PPP2R2C: variants seen among roughly 807,000 people sequenced by gnomAD.
PPP2R2C encodes protein phosphatase 2 regulatory subunit Bgamma.
Under a neutral mutation model 45.3 loss-of-function variants are expected in PPP2R2C, and 10 were observed. The observed-to-expected ratio is 0.22, with a 90% CI of 0.14 to 0.37. The LOEUF (loss-of-function observed/expected upper bound fraction) is 0.37. PPP2R2C is among the 10% of genes least tolerant of loss of function. The probability of loss-of-function intolerance (pLI) is 1.00; values close to 1 mark genes in which losing one functional copy is unlikely to be tolerated. For missense variants in PPP2R2C, 308 were observed against 619.7 expected, an observed-to-expected ratio of 0.50 and a Z score of 5.34; for synonymous variants, 257 against 245.4, an observed-to-expected ratio of 1.05 and a Z score of -0.44.
At chr4:6,325,862 G>A (rs112631633) in intron 8 of PPP2R2C, among the ~76,000 whole-genome samples, 30 of 152,326 alleles carry the variant, frequency 2.0e-4, no homozygotes, top group African/African-American at 4.6e-4. Flanking sequence ...CCAGTGCTCC[G>A]CTCCTCTTTC....
At chr4:6,355,777 G>A (rs1713114978) in intron 5 of PPP2R2C, among the ~76,000 whole-genome samples, 2 of 151,728 alleles carry the variant, frequency 1.3e-5, no homozygotes, top group African/African-American at 4.8e-5. Context: ...GATCACTTGA[G>A]GTCAGGAGTT....
chr4:6,408,517 G>T (rs1246931858), intron 1 of PPP2R2C, among the ~76,000 whole-genome samples: 1 of 152,202 alleles, frequency 6.6e-6, no homozygotes, highest in East Asian at 1.9e-4. Context: ...ATCGTGAGCA[G>T]TAAGGTTTCA....
rs1713754942 is a variant in PPP2R2C at position 6,361,760 on chromosome 4, G to A, written c.625+10763C>T. 2.0e-5 allele frequency among the ~76,000 whole-genome samples: 3 copies of A among 152,310 alleles called. No homozygotes were observed. The South Asian group carries it at 6.2e-4, about 32-fold the overall frequency. On this transcript the variant is annotated intron_variant, in intron 5 of 8. Transcript: ENST00000382599. ...GAGGGGGAATCCAAGGTTGGACAGAGCTGGGATGTGCACCCAGGCAGCTGT... is the reference window on the plus strand; with the variant it reads ...GAGGGGGAATCCAAGGTTGGACAGAACTGGGATGTGCACCCAGGCAGCTGT...
At chr4:6,504,945 C>A (rs1353404957) in intron 2 of PPP2R2C, among the ~76,000 whole-genome samples, 2 of 152,004 alleles carry the variant, frequency 1.3e-5, no homozygotes, top group Non-Finnish European at 2.9e-5. Flanking sequence ...CCAAGAAGTT[C>A]AGCGAATCTC....
intron 1 of PPP2R2C, among the ~76,000 whole-genome samples, chr4:6,444,600 C>G (rs1320655670): frequency 6.6e-6 from 1 of 152,244 alleles, no homozygotes; most frequent in East Asian, 1.9e-4. Flanking sequence ...TACCCCACCA[C>G]TTCAAAGACA....
intron 5 of PPP2R2C, among the ~76,000 whole-genome samples, chr4:6,362,421 C>T (rs934079742): frequency 1.3e-5 from 2 of 152,162 alleles, no homozygotes; most frequent in Non-Finnish European, 2.9e-5. Flanking sequence ...GCCAGGGTCG[C>T]ACACCTCTAC....
intron 1 of PPP2R2C, among the ~76,000 whole-genome samples, chr4:6,410,329 G>A (rs1267535957): frequency 1.3e-5 from 2 of 152,110 alleles, no homozygotes; most frequent in African/African-American, 2.4e-5. Flanking sequence ...CCTCTGTTCC[G>A]GGTATGCCCT....
chr4:6,421,438 G>A (rs1004532728), intron 1 of PPP2R2C, among the ~76,000 whole-genome samples: 4 of 152,068 alleles, frequency 2.6e-5, no homozygotes, highest in African/African-American at 7.2e-5. Context: ...TTGCAATTCC[G>A]AGCACCCCAA....
At chr4:6,380,744 C>A (rs1715715048) in intron 2 of PPP2R2C, among the ~76,000 whole-genome samples, 1 of 152,124 alleles carries the variant, frequency 6.6e-6, no homozygotes, top group Non-Finnish European at 1.5e-5. Context: ...CCGCCCGCCA[C>A]TCCCACCTCG....
chr4:6,323,508 C>T lies in PPP2R2C; in HGVS notation c.1138G>A (p.Glu380Lys), dbSNP rs1731690747. 6 of 1,606,618 alleles carry T rather than the reference C, an allele frequency of 3.7e-6. No individual in the cohort carries two copies. Among genetic ancestry groups the T allele is most frequent in the Non-Finnish European group, 5.1e-6 (6 of 1,173,844 alleles). Residue 380 changes from glutamate to lysine, a missense_variant, in exon 9 of 9, where the codon GAA (glutamate) becomes AAA (lysine). Glu to Lys is a moderately conservative substitution (Grantham distance 56). Coordinates refer to ENST00000382599, the MANE Select transcript of PPP2R2C (RefSeq NM_020416.4). ...KRDVTLEASR[E>K]SSKPRAVLKP... is the part of the protein sequence containing the mutation. ...AGCACAGCCCGGGGCTTGCTGCTTT[C>T]CCTCGAGGCCTCCAGGGTCACGTCC...
chr4:6,512,299 G>A (rs1422316607), intron 2 of PPP2R2C, among the ~76,000 whole-genome samples: 6 of 123,208 alleles, frequency 4.9e-5, no homozygotes, highest in Non-Finnish European at 8.9e-5. Context: ...GGTGGCGGTG[G>A]TGGTGGTGGT....
intron 6 of PPP2R2C, among the ~76,000 whole-genome samples, chr4:6,342,943 C>T (rs555863883): frequency 4.7e-4 from 71 of 152,342 alleles, no homozygotes; most frequent in African/African-American, 1.4e-3. Flanking sequence ...GCTCTTCATT[C>T]GCGGTCTGAT....
chr4:6,532,901 G>A (rs1036845616), intron 2 of PPP2R2C, among the ~76,000 whole-genome samples: 3 of 152,204 alleles, frequency 2.0e-5, no homozygotes, highest in Admixed American at 6.5e-5. Context: ...GCTGGGAGAC[G>A]CATCCCCAGC....
At chr4:6,387,815 A>T (rs1380818407) in intron 1 of PPP2R2C, among the ~76,000 whole-genome samples, 1 of 151,680 alleles carries the variant, frequency 6.6e-6, no homozygotes, top group Non-Finnish European at 1.5e-5. Context: ...AAGAAAAAAA[A>T]AAAAGAGTGA....
intron 1 of PPP2R2C, among the ~76,000 whole-genome samples, chr4:6,398,530 G>A (rs886685673): frequency 2.6e-5 from 4 of 152,218 alleles, no homozygotes; most frequent in African/African-American, 7.2e-5. Flanking sequence ...ATCACAAGAC[G>A]CAGATGCAAA....
intron 1 of PPP2R2C, among the ~76,000 whole-genome samples, chr4:6,463,589 C>T (rs1386952158): frequency 1.3e-5 from 2 of 152,256 alleles, no homozygotes; most frequent in Non-Finnish European, 2.9e-5. Flanking sequence ...CCAGGTGTGT[C>T]CTGCTCCCGG....
intron 6 of PPP2R2C, among the ~76,000 whole-genome samples, chr4:6,338,499 G>A (rs1733174850): frequency 6.6e-6 from 1 of 152,192 alleles, no homozygotes; most frequent in Non-Finnish European, 1.5e-5. Context: ...AACAGGAGGT[G>A]AAGCCTGAGA....
chr4:6,490,748 G>A (rs1045541708), intron 2 of PPP2R2C, among the ~76,000 whole-genome samples: 32 of 152,170 alleles, frequency 2.1e-4, no homozygotes, highest in African/African-American at 6.8e-4. Flanking sequence ...AAGATATTCT[G>A]AAAAGGAACA....
rs546911156 is a variant in PPP2R2C at position 6,369,374 on chromosome 4, T to C, written c.625+3149A>G. 4.6e-5 allele frequency among the ~76,000 whole-genome samples: 7 copies of C among 152,378 alleles called. No individual in the cohort carries two copies. The South Asian group carries it at 1.4e-3, about 32-fold the overall frequency. ...CATTTTGTGTGCACAGCCGTTATGGTTGAGGCTACCTCCTATTTATGGTAT... is the reference window on the plus strand; with the variant it reads ...CATTTTGTGTGCACAGCCGTTATGGCTGAGGCTACCTCCTATTTATGGTAT... On this transcript the variant is annotated intron_variant, in intron 5 of 8. Coordinates refer to ENST00000382599, the MANE Select transcript of PPP2R2C (RefSeq NM_020416.4).
Sources: allele counts gnomAD v4.1 joint callset (sites outside exome capture counted in the v4.1 genomes callset), GRCh38; gene constraint gnomAD v4.1.1; transcripts MANE v1.5; gene names NCBI Gene and HGNC (gene_info 2026-07-23, HGNC 2026-07-21).